PRKCE: variants seen among roughly 807,000 people sequenced by gnomAD.
PRKCE encodes protein kinase C epsilon type.
Under a neutral mutation model 85.4 loss-of-function variants are expected in PRKCE, and 16 were observed. That is an observed-to-expected ratio of 0.19 (90% CI 0.13 to 0.28). The LOEUF (loss-of-function observed/expected upper bound fraction) is 0.28. Ranked by LOEUF, PRKCE falls within the 10% of genes least tolerant of loss-of-function variation. The pLI is 1.00. For missense variants in PRKCE, 573 were observed against 975.2 expected, an observed-to-expected ratio of 0.59 and a Z score of 5.49; for synonymous variants, 388 against 371.5, an observed-to-expected ratio of 1.04 and a Z score of -0.51.
At chr2:45,971,949 A>C (rs1484679235) in intron 2 of PRKCE, among the ~76,000 whole-genome samples, 2 of 152,174 alleles carry the variant, frequency 1.3e-5, no homozygotes, top group Admixed American at 1.3e-4. Flanking sequence ...AGGACTCTTC[A>C]GGGTCCTTAC....
chr2:46,182,084 A>G (rs1330638935), intron 14 of PRKCE, among the ~76,000 whole-genome samples: 1 of 151,928 alleles, frequency 6.6e-6, no homozygotes, highest in African/African-American at 2.4e-5. Context: ...CTACTCCATT[A>G]TCCCCTTCGG....
Position 45,968,162 on chromosome 2 carries a change from A to G in PRKCE, c.413-8267A>G, listed in dbSNP as rs74262741. 7.2e-5 allele frequency among the ~76,000 whole-genome samples: 11 copies of G among 152,352 alleles called. No individual in the cohort carries two copies. In the East Asian group the frequency reaches 2.1e-3, roughly 29 times the overall value. ...ATCCAGGCATACGTCTGTGTGTGTT[A>G]GAAATTCACTGTTAGCGATTCACAA... On this transcript the variant is annotated intron_variant, in intron 2 of 14. Coordinates refer to ENST00000306156, the MANE Select transcript of PRKCE (RefSeq NM_005400.3).
Position 45,652,286 on chromosome 2 carries a change from C to G in PRKCE, c.186C>G (p.Ser62Arg). ...CGGCCACCAAGCAGAAGACCAACAG[C>G]CCGGCCTGGCACGACGAGTTCGTCA... ...GQTATKQKTNSPAWHDEFVTD... is the reference protein window; with the variant it reads ...GQTATKQKTNRPAWHDEFVTD... Residue 62 changes from serine (S) to arginine (R), a missense_variant, in exon 1 of 15, where the codon AGC becomes AGG. By Grantham distance (110) the Ser-to-Arg change is moderately radical (BLOSUM62 -1). Around this residue, in one of 11 missense-constraint regions of PRKCE, gnomAD observed 100 missense variants for 177.1 expected, o/e 0.56. Coordinates refer to ENST00000306156, the MANE Select transcript of PRKCE (RefSeq NM_005400.3). The surrounding 1 kb of genome is among the most constrained non-coding windows in gnomAD (Gnocchi z 7.7). 6.2e-7 allele frequency: 1 copy of G among 1,613,506 alleles called. No individual in the cohort carries two copies. Among genetic ancestry groups the G allele is most frequent in the Non-Finnish European group, 8.5e-7 (1 of 1,180,008 alleles).
chr2:45,764,492 C>T (rs990665396), intron 1 of PRKCE, among the ~76,000 whole-genome samples: 1 of 152,192 alleles, frequency 6.6e-6, no homozygotes, highest in Admixed American at 6.5e-5. Flanking sequence ...AGTTTTTAGA[C>T]ATGACCCCTG....
chr2:45,695,801 T>C (rs917962107), intron 1 of PRKCE, among the ~76,000 whole-genome samples: 1 of 152,144 alleles, frequency 6.6e-6, no homozygotes, highest in Admixed American at 6.5e-5. Context: ...TAGTAGAATA[T>C]GTACCATGCT....
At chr2:45,767,304 A>T (rs1250758502) in intron 1 of PRKCE, among the ~76,000 whole-genome samples, 1 of 152,242 alleles carries the variant, frequency 6.6e-6, no homozygotes, top group Non-Finnish European at 1.5e-5. Context: ...AAAGTAAAAA[A>T]TCTGCACAGC....
intron 11 of PRKCE, among the ~76,000 whole-genome samples, chr2:46,135,227 G>A (rs1357984915): frequency 6.6e-6 from 1 of 152,188 alleles, no homozygotes; most frequent in Admixed American, 6.5e-5. Context: ...CATCTTATAA[G>A]CATGTTTCCA....
At chr2:45,842,145 A>T (rs1012500368) in intron 1 of PRKCE, among the ~76,000 whole-genome samples, 1 of 152,214 alleles carries the variant, frequency 6.6e-6, no homozygotes, top group Non-Finnish European at 1.5e-5. Context: ...CAAGAGGCCC[A>T]GCCCTCTGGC....
chr2:45,733,720 GCT>G (rs1681789125), intron 1 of PRKCE, among the ~76,000 whole-genome samples: 1 of 152,132 alleles, frequency 6.6e-6, no homozygotes, highest in Non-Finnish European at 1.5e-5. Context: ...TTTCTACGCA[GCT>G]AAGAGTCTCT....
intron 10 of PRKCE, among the ~76,000 whole-genome samples, chr2:46,066,874 A>G (rs1187105478): frequency 6.6e-6 from 1 of 152,194 alleles, no homozygotes; most frequent in African/African-American, 2.4e-5. Flanking sequence ...TATCTTCTCC[A>G]TAGATACGTG....
rs1466771376 is a variant in PRKCE, at chr2:45,652,358, T to G, written c.258T>G (p.Asp86Glu). Residue 86 changes from aspartate (D) to glutamate (E), a missense_variant, in exon 1 of 15, where the codon GAT (aspartate) becomes GAG (glutamate). Coordinates refer to ENST00000306156, the MANE Select transcript of PRKCE (RefSeq NM_005400.3). This position sits in a 1 kb window ranked among gnomAD's most constrained non-coding sequence, Gnocchi z 7.7. ...AGATCGAGCTGGCTGTCTTTCACGA[T>G]GCCCCCATAGGCTACGACGACTTCG... ...GRKIELAVFH[D>E]APIGYDDFVA... The G allele has an allele frequency of 1.9e-6, 3 of 1,613,592 alleles. No individual in the cohort carries two copies. In the South Asian group the frequency reaches 3.3e-5, roughly 18 times the overall value.
At chr2:46,180,625 A>G (rs1679881704) in intron 14 of PRKCE, among the ~76,000 whole-genome samples, 2 of 152,242 alleles carry the variant, frequency 1.3e-5, no homozygotes, top group African/African-American at 2.4e-5. Flanking sequence ...TGCATGATGC[A>G]TGCCCATGGC....
At chr2:46,154,972 A>G (rs1677056300) in intron 13 of PRKCE, among the ~76,000 whole-genome samples, 1 of 152,204 alleles carries the variant, frequency 6.6e-6, no homozygotes, top group African/African-American at 2.4e-5. Flanking sequence ...TGTAGGAGCT[A>G]TGTAACTGTT....
At chr2:46,107,760 G>A (rs772473409) in intron 11 of PRKCE, among the ~76,000 whole-genome samples, 12 of 152,116 alleles carry the variant, frequency 7.9e-5, no homozygotes, top group Non-Finnish European at 1.8e-4. Context: ...TCTAATAGGT[G>A]GGTAGTGGTG....
chr2:45,967,544 T>C (rs983178786), intron 2 of PRKCE, among the ~76,000 whole-genome samples: 1 of 152,146 alleles, frequency 6.6e-6, no homozygotes, highest in East Asian at 1.9e-4. Flanking sequence ...TCAACCATTA[T>C]AGTCAAGGTC....
At chr2:46,096,837 C>G (rs1216213393) in intron 11 of PRKCE, among the ~76,000 whole-genome samples, 2 of 152,196 alleles carry the variant, frequency 1.3e-5, no homozygotes, top group African/African-American at 4.8e-5. Context: ...CTCTGAGCCA[C>G]AGTTTCCTCA....
chr2:45,956,973 A>T (rs183008460), intron 2 of PRKCE, among the ~76,000 whole-genome samples: 2 of 152,196 alleles, frequency 1.3e-5, no homozygotes, highest in East Asian at 3.9e-4. Flanking sequence ...TTTTTAGCTC[A>T]TTTTTTATTT....
intron 1 of PRKCE, among the ~76,000 whole-genome samples, chr2:45,796,626 T>G (rs1020659085): frequency 1.3e-5 from 2 of 152,194 alleles, no homozygotes; most frequent in African/African-American, 4.8e-5. Context: ...ATGGGGTTGA[T>G]ATGATATACT....
chr2:45,857,735 G>C (rs1457798126), intron 2 of PRKCE, among the ~76,000 whole-genome samples: 1 of 151,880 alleles, frequency 6.6e-6, no homozygotes, highest in African/African-American at 2.4e-5. Context: ...TTTTTTAAAG[G>C]GTAGGAGGCA....
Sources: allele counts gnomAD v4.1 joint callset (sites outside exome capture counted in the v4.1 genomes callset), GRCh38; gene constraint gnomAD v4.1.1; regional missense constraint gnomAD v4.1.1; non-coding constraint Gnocchi (gnomAD v3.1); transcripts MANE v1.5; gene names NCBI Gene and HGNC (gene_info 2026-07-23, HGNC 2026-07-21).